RBPJ: variants seen among roughly 807,000 people sequenced by gnomAD.
RBPJ encodes the protein recombining binding protein suppressor of hairless.
Under a neutral mutation model 67.8 loss-of-function variants are expected in RBPJ, and 9 were observed. The observed-to-expected ratio is 0.13, with a 90% CI of 0.08 to 0.23. The LOEUF (loss-of-function observed/expected upper bound fraction) is 0.23, where lower values mean the gene tolerates loss of function less well. Ranked by LOEUF, RBPJ falls within the 10% of genes least tolerant of loss-of-function variation. RBPJ has a pLI of 1.00. For missense variants in RBPJ, 305 were observed against 595.6 expected (o/e 0.51, Z 5.08); for synonymous variants, 198 against 203.3 (o/e 0.97, Z 0.22).
intron 1 of RBPJ, among the ~76,000 whole-genome samples, chr4:26,385,665 C>T (rs1730837453): frequency 6.6e-6 from 1 of 152,156 alleles, no homozygotes; most frequent in Non-Finnish European, 1.5e-5. Context: ...TGGGAAGTCT[C>T]ATCTCTGCCT....
intron 1 of RBPJ, among the ~76,000 whole-genome samples, chr4:26,234,366 A>G (rs1719384872): frequency 6.6e-6 from 1 of 152,248 alleles, no homozygotes; most frequent in Admixed American, 6.5e-5. Context: ...GAAGCAGAAG[A>G]TGAAATACAC....
chr4:26,384,795 CCCCCTCCCCTCTCG>C (rs1488863774), intron 1 of RBPJ, among the ~76,000 whole-genome samples: 77 of 101,814 alleles, frequency 7.6e-4, no homozygotes, highest in Admixed American at 1.4e-3. Flanking sequence ...TCTCCCCTCT[CCCCCTCCCCTCTCG>C]CCTCTCCCCT....
At chr4:26,417,572 A>G (rs757522776) in intron 4 of RBPJ, among the ~76,000 whole-genome samples, 15 of 152,184 alleles carry the variant, frequency 9.9e-5, no homozygotes, top group Non-Finnish European at 1.5e-5. Context: ...GAAAAATTCT[A>G]TTAGGGAAGT....
chr4:26,208,814 C>T (rs1283785399), intron 1 of RBPJ, among the ~76,000 whole-genome samples: 1 of 152,116 alleles, frequency 6.6e-6, no homozygotes, highest in Non-Finnish European at 1.5e-5. Context: ...CCTGTCTCCC[C>T]AAACAAATTA....
intron 1 of RBPJ, among the ~76,000 whole-genome samples, chr4:26,288,884 C>A (rs916523059): frequency 7.3e-6 from 1 of 137,658 alleles, no homozygotes; most frequent in African/African-American, 2.7e-5. Flanking sequence ...AGTTGTATAG[C>A]TGGGGATTAA....
chr4:26,392,585 T>C (rs1428901936), intron 2 of RBPJ, among the ~76,000 whole-genome samples: 1 of 152,236 alleles, frequency 6.6e-6, no homozygotes, highest in Admixed American at 6.5e-5. Flanking sequence ...ACTGAATGAT[T>C]CCACTTACAT....
rs57556548 is a variant in RBPJ at position 26,286,472 on chromosome 4, CAAAAAAA to C, written c.-166-75958_-166-75952del. 1.1e-3 allele frequency among the ~76,000 whole-genome samples: 113 copies of C among 99,468 alleles called. 1 individual carries two copies. Among genetic ancestry groups the C allele is most frequent in the Admixed American group, 1.7e-3 (17 of 10,180 alleles). 65.3% of individuals were successfully genotyped at this position (99,468 alleles called of 152,430 possible). ...TGTATGAAAAACCGAGACCCTGCCT[CAAAAAAA>C]AAAAAAAAAAAAAAAGAGACAAACA... is the stretch of plus-strand genomic sequence containing the variant. On this transcript the variant is annotated intron_variant, in intron 1 of 4. Coordinates refer to the RBPJ transcript ENST00000512351.
intron 1 of RBPJ, among the ~76,000 whole-genome samples, chr4:26,368,992 T>A (rs766206004): frequency 2.0e-5 from 3 of 152,182 alleles, no homozygotes; most frequent in Non-Finnish European, 4.4e-5. Context: ...AAATCTGTTC[T>A]TTCCCCTACC....
chr4:26,231,840 C>T (rs56363109), intron 1 of RBPJ, among the ~76,000 whole-genome samples: 326 of 151,414 alleles, frequency 2.2e-3, no homozygotes, highest in Non-Finnish European at 3.6e-3. Flanking sequence ...TGAGCCACTG[C>T]GCCTGACCTT....
At chr4:26,362,764 T>A in intron 1 of RBPJ, 1 of 696,704 alleles carries the variant, frequency 1.4e-6, no homozygotes, top group Non-Finnish European at 2.3e-6. Flanking sequence ...CTTTTGATTA[T>A]AGATGTGGTT....
intron 1 of RBPJ, among the ~76,000 whole-genome samples, chr4:26,223,846 G>C (rs1268065226): frequency 1.3e-5 from 2 of 152,214 alleles, no homozygotes; most frequent in Non-Finnish European, 2.9e-5. Flanking sequence ...GCTTTGCACA[G>C]AAAGGATCAT....
At chr4:26,109,454 CTCTCTCTA>C in the RBPJ span, among the ~76,000 whole-genome samples, 54 of 21,080 alleles carry the variant, frequency 2.6e-3, 2 homozygotes, top group African/African-American at 5.8e-3. Flanking sequence ...CTCTCTCTCT[CTCTCTCTA>C]TATATATATA....
rs1736404780 is a variant in RBPJ at position 26,433,451 on chromosome 4, A to G, written c.*2444A>G. 1.3e-5 allele frequency: 2 copies of G among 152,228 alleles called. No individual in the cohort carries two copies. The highest frequency in any genetic ancestry group is 2.4e-5 in the African/African-American group (1 of 41,474). The allele number at this position is 152,228 out of a possible 1,614,324, so 9.4% of individuals were successfully genotyped here. On this transcript the variant is annotated 3_prime_UTR_variant, in exon 11 of 11. Coordinates refer to ENST00000355476, the MANE Select transcript of RBPJ (RefSeq NM_015874.6). Reference sequence around the variant, plus strand: ...AAGAGATACTTTTGAAGAACAAACTATTCCTTACCCATTTTTGTAGCTCAA... The same window carrying G: ...AAGAGATACTTTTGAAGAACAAACTGTTCCTTACCCATTTTTGTAGCTCAA...
chr4:26,292,481 C>T (rs1171088990), intron 1 of RBPJ, among the ~76,000 whole-genome samples: 1 of 150,322 alleles, frequency 6.7e-6, no homozygotes, highest in East Asian at 2.0e-4. Flanking sequence ...TATGCAGTGG[C>T]ACAATCTCGG....
chr4:26,379,355 G>A (rs937171656), intron 1 of RBPJ, among the ~76,000 whole-genome samples: 2 of 152,020 alleles, frequency 1.3e-5, no homozygotes, highest in Admixed American at 1.3e-4. Context: ...GTGCAACACT[G>A]TATTAGTTTG....
At chr4:26,392,517 A>T (rs1399171183) in intron 2 of RBPJ, among the ~76,000 whole-genome samples, 1 of 152,218 alleles carries the variant, frequency 6.6e-6, no homozygotes, top group Non-Finnish European at 1.5e-5. Flanking sequence ...AACAACATAG[A>T]TGGATCTTAA....
intron 1 of RBPJ, among the ~76,000 whole-genome samples, chr4:26,245,751 C>T (rs556498585): frequency 1.3e-4 from 20 of 152,156 alleles, no homozygotes; most frequent in Non-Finnish European, 2.1e-4. Context: ...TCTTGTGTGA[C>T]GTAGGGGTCC....
intron 3 of RBPJ, among the ~76,000 whole-genome samples, chr4:26,412,550 G>A (rs1734142543): frequency 6.6e-6 from 1 of 152,030 alleles, no homozygotes; most frequent in African/African-American, 2.4e-5. Context: ...TTTAGATTTG[G>A]GATGTTCAAC....
chr4:26,108,577 A>G, the RBPJ span, among the ~76,000 whole-genome samples: 1 of 152,252 alleles, frequency 6.6e-6, no homozygotes, highest in African/African-American at 2.4e-5. Context: ...GACTCTCTGC[A>G]TTTTGTAAAA....
Sources: gnomAD v4.1 joint callset for allele counts (sites outside exome capture counted in the v4.1 genomes callset) on GRCh38, gnomAD v4.1.1 for gene constraint, MANE v1.5 for transcripts, NCBI Gene and HGNC (gene_info 2026-07-23, HGNC 2026-07-21) for gene names.